Variants in C8orf89 observed in about 807,000 individuals in gnomAD.
The protein encoded by C8orf89 is chromosome 8 open reading frame 89, also known as putative uncharacterized protein C8orf89.
In C8orf89, 14 loss-of-function variants were observed where a neutral mutation model predicts 15.8. That is an observed-to-expected ratio of 0.89 (90% CI 0.59 to 1.39). The LOEUF is 1.39. C8orf89 is among the 40% of genes most tolerant of loss of function. The pLI is 0.00. For synonymous variants in C8orf89, 55 were observed against 62.2 expected (o/e 0.88, Z 0.54); for missense variants, 181 against 184.5 (o/e 0.98, Z 0.11).
intron 2 of C8orf89, among the ~76,000 whole-genome samples, 179 bp downstream of exon 2, chr8:73,256,794 G>A (rs1304021436): frequency 1.6e-5 from 2 of 128,000 alleles, no homozygotes; most frequent in African/African-American, 2.9e-5. Context: ...ACAGAGAAAA[G>A]TGCCGAGTTG....
intron 3 of C8orf89, among the ~76,000 whole-genome samples, chr8:73,244,278 C>A (rs1321162049): frequency 6.6e-6 from 1 of 151,534 alleles, no homozygotes; most frequent in Admixed American, 6.6e-5. Flanking sequence ...ATCCATACAA[C>A]AACACTATGA....
At chr8:73,257,984 G>T (rs897904323) in intron 1 of C8orf89, among the ~76,000 whole-genome samples, 1 of 152,138 alleles carries the variant, frequency 6.6e-6, no homozygotes, top group Non-Finnish European at 1.5e-5. Flanking sequence ...TTAGATTTGG[G>T]GGGTAGAAGG....
the C8orf89 span, among the ~76,000 whole-genome samples, chr8:73,280,756 T>C: frequency 3.6e-5 from 5 of 140,078 alleles, no homozygotes; most frequent in Admixed American, 6.9e-5. Context: ...CACACACACA[T>C]ATACATACAT....
At chr8:73,276,768 C>G in the C8orf89 span, among the ~76,000 whole-genome samples, 2 of 149,408 alleles carry the variant, frequency 1.3e-5, no homozygotes, top group African/African-American at 4.9e-5. Flanking sequence ...CAACAGCACC[C>G]AAATACCATA....
chr8:73,275,290 G>A, the C8orf89 span, among the ~76,000 whole-genome samples: 1 of 129,522 alleles, frequency 7.7e-6, no homozygotes, highest in South Asian at 2.4e-4. Flanking sequence ...AGGCTGGAAT[G>A]CAGTGGCTTG....
chr8:73,265,838 A>G, the C8orf89 span, among the ~76,000 whole-genome samples: 1 of 152,202 alleles, frequency 6.6e-6, no homozygotes, highest in Admixed American at 6.5e-5. Context: ...CCCTAACAGT[A>G]CCTGACATCA....
At chr8:73,270,360 T>C in the C8orf89 span, among the ~76,000 whole-genome samples, 1 of 152,192 alleles carries the variant, frequency 6.6e-6, no homozygotes, top group Non-Finnish European at 1.5e-5. Flanking sequence ...CCTGTCTGAA[T>C]TGAGATCCTT....
chr8:73,277,742 C>A, the C8orf89 span: 1 of 745,768 alleles, frequency 1.3e-6, no homozygotes, highest in East Asian at 2.6e-5. Context: ...AGCTCGTCCA[C>A]ATGGGTTTTA....
At chr8:73,276,117 T>C in the C8orf89 span, among the ~76,000 whole-genome samples, 2 of 151,790 alleles carry the variant, frequency 1.3e-5, no homozygotes, top group East Asian at 3.8e-4. Context: ...TTTTTTATGG[T>C]AAATATATTT....
At chr8:73,267,659 T>C in the C8orf89 span, among the ~76,000 whole-genome samples, 3 of 152,202 alleles carry the variant, frequency 2.0e-5, no homozygotes, top group Admixed American at 6.5e-5. Flanking sequence ...ATTATGACGA[T>C]TAATGTTTTG....
the C8orf89 span, among the ~76,000 whole-genome samples, chr8:73,283,779 C>T: frequency 6.6e-6 from 1 of 152,130 alleles, no homozygotes; most frequent in East Asian, 1.9e-4. Flanking sequence ...GTGGCTCATA[C>T]CTGTAATCCC....
chr8:73,243,575 G>A (rs962282758), intron 3 of C8orf89, among the ~76,000 whole-genome samples: 1 of 152,028 alleles, frequency 6.6e-6, no homozygotes, highest in Non-Finnish European at 1.5e-5. Context: ...TGTCACCCAG[G>A]CTGGAGTGCA....
upstream of C8orf89, among the ~76,000 whole-genome samples, chr8:73,264,458 C>G (rs571522425): frequency 2.0e-5 from 3 of 152,258 alleles, no homozygotes; most frequent in East Asian, 1.9e-4. Context: ...AGAAGCGCTT[C>G]AGACTGGGTG....
At chr8:73,276,470 AC>A in the C8orf89 span, among the ~76,000 whole-genome samples, 1 of 152,030 alleles carries the variant, frequency 6.6e-6, no homozygotes, top group South Asian at 2.1e-4. Flanking sequence ...AAGCCACCAC[AC>A]CCAGCCTTCT....
chr8:73,273,037 GC>G, the C8orf89 span, among the ~76,000 whole-genome samples: 1 of 152,202 alleles, frequency 6.6e-6, no homozygotes, highest in Non-Finnish European at 1.5e-5. Context: ...GAAATTAGGA[GC>G]CTCAAAAGTT....
intron 1 of C8orf89, among the ~76,000 whole-genome samples, chr8:73,258,409 C>CAAAAAA (rs34265425): frequency 2.9e-4 from 20 of 69,094 alleles, no homozygotes; most frequent in East Asian, 4.3e-4. Flanking sequence ...GACTCCATCT[C>CAAAAAA]AAAAAAAAAA....
At chr8:73,283,302 C>A in the C8orf89 span, among the ~76,000 whole-genome samples, 13 of 152,154 alleles carry the variant, frequency 8.5e-5, no homozygotes, top group Admixed American at 3.9e-4. Context: ...AATACACAAT[C>A]CAATTTAATC....
At chr8:73,258,776 G>C (rs528516412) in intron 1 of C8orf89, among the ~76,000 whole-genome samples, 1 of 151,746 alleles carries the variant, frequency 6.6e-6, no homozygotes, top group Non-Finnish European at 1.5e-5. Context: ...GACCACAGGC[G>C]CACACCAACA....
At position 73,241,355 on chromosome 8, in the gene C8orf89, C is replaced by T. The variant is rs1040550804; in HGVS notation, c.*102G>A. 1.4e-5 allele frequency: 13 copies of T among 913,482 alleles called. No individual in the cohort carries two copies. The African/African-American group carries it at 2.0e-4, about 14-fold the overall frequency. 56.6% of individuals were successfully genotyped at this position (913,482 alleles called of 1,614,324 possible). On this transcript the variant is annotated 3_prime_UTR_variant, in exon 4 of 4. Transcript: ENST00000624510. ...ATAATGTAAAATATTTATTTATTTA[C>T]ATTTCCATTTTTATATAAATCATTT...
Sources: gnomAD v4.1 joint callset for allele counts (sites outside exome capture counted in the v4.1 genomes callset) on GRCh38, gnomAD v4.1.1 for gene constraint, MANE v1.5 for transcripts, NCBI Gene and HGNC (gene_info 2026-07-23, HGNC 2026-07-21) for gene names.